Variants in MLLT3 observed in about 807,000 individuals in gnomAD.
MLLT3 encodes MLLT3 super elongation complex subunit.
In MLLT3, 4 loss-of-function variants were observed where a neutral mutation model predicts 53.2. That is an observed-to-expected ratio of 0.08 (90% CI 0.04 to 0.17). MLLT3 has a LOEUF of 0.17. Among genes scored for constraint, MLLT3 ranks in the 10% least tolerant of loss-of-function variants. The probability of loss-of-function intolerance (pLI) is 1.00; values close to 1 mark genes in which losing one functional copy is unlikely to be tolerated. For missense variants in MLLT3, 569 were observed against 684.0 expected, an observed-to-expected ratio of 0.83 and a Z score of 1.87; for synonymous variants, 283 against 230.6, an observed-to-expected ratio of 1.23 and a Z score of -2.06.
Position 20,413,747 on chromosome 9 carries a change from C to A in MLLT3, c.1099G>T (p.Glu367Ter). The part of the protein sequence containing the change: ...DIVDPNDSDV[E>*]ENISSKSDSE... The stretch of plus-strand genomic sequence containing the variant: ...TCAGATTTAGAGGATATATTCTCCT[C>A]CACATCTGAATCATTGGGATCCACA... Residue 367 changes from glutamate (E) to a stop codon, truncating the protein, a stop_gained, in exon 5 of 11, where the codon GAG becomes TAG. Transcript: ENST00000380338. LOFTEE classifies it high-confidence loss of function. 1 of 1,609,266 alleles carries A rather than the reference C, an allele frequency of 6.2e-7. No homozygotes were observed. Among genetic ancestry groups the A allele is most frequent in the Non-Finnish European group, 8.5e-7 (1 of 1,178,186 alleles).
intron 2 of MLLT3, among the ~76,000 whole-genome samples, chr9:20,483,108 G>T (rs1317690284): frequency 1.3e-5 from 2 of 152,052 alleles, no homozygotes; most frequent in Non-Finnish European, 2.9e-5. Flanking sequence ...GGCCAACTGT[G>T]AATCATTTCA....
chr9:20,439,157 C>G (rs951845492), intron 4 of MLLT3, among the ~76,000 whole-genome samples: 2 of 152,038 alleles, frequency 1.3e-5, no homozygotes, highest in African/African-American at 4.8e-5. Context: ...AGTTCAAGAC[C>G]AACCTGACCA....
At chr9:20,402,091 G>A (rs1022291935) in intron 5 of MLLT3, among the ~76,000 whole-genome samples, 7 of 152,166 alleles carry the variant, frequency 4.6e-5, no homozygotes, top group African/African-American at 1.7e-4. Context: ...AAGGTCAGCA[G>A]GTAAAGGAGA....
At chr9:20,353,720 C>T in intron 9 of MLLT3, 124 bp from the exon 10 acceptor site, 1 of 800,194 alleles carries the variant, frequency 1.2e-6, no homozygotes, top group Non-Finnish European at 2.1e-6. Context: ...ACCACTCTAG[C>T]CCAGGCTGTG....
At chr9:20,548,094 A>G (rs1818837110) in intron 2 of MLLT3, among the ~76,000 whole-genome samples, 1 of 152,236 alleles carries the variant, frequency 6.6e-6, no homozygotes, top group African/African-American at 2.4e-5. Flanking sequence ...TCACATACCC[A>G]AGTTGCTCTA....
At chr9:20,359,145 CAAAAAAAAAA>C (rs920197622) in intron 8 of MLLT3, among the ~76,000 whole-genome samples, 16 of 20,984 alleles carry the variant, frequency 7.6e-4, no homozygotes, top group South Asian at 2.5e-3. Context: ...AACTCCATCT[CAAAAAAAAAA>C]AAAAAAAAAA....
At chr9:20,514,552 G>C (rs975332402) in intron 2 of MLLT3, among the ~76,000 whole-genome samples, 1 of 151,446 alleles carries the variant, frequency 6.6e-6, no homozygotes, top group African/African-American at 2.4e-5. Context: ...AGCTCAAATA[G>C]GTCCCCCATA....
rs931288410 is a variant in MLLT3, at chr9:20,439,662, G to C, written c.420+8461C>G. On this transcript the variant is annotated intron_variant, in intron 4 of 10. Transcript: ENST00000380338. ...ATGGTAAGTTCTCAACAACCAGAAA[G>C]TTTATATCAATCCTCTGAAGTGTGA... Among the ~76,000 whole-genome samples the C allele has an allele frequency of 2.6e-5, 4 of 152,168 alleles. No homozygotes were observed. The Middle Eastern group carries it at 0.01, about 388-fold the overall frequency.
At position 20,375,694 on chromosome 9, in the gene MLLT3, C is replaced by T. The variant is rs528238174; in HGVS notation, c.1126-9950G>A. ...GCGGTTCTCAGCTCACTGAAAGCTC[C>T]GCCTCCTGGGTTCACGCCATTCTCC... On this transcript the variant is annotated intron_variant, in intron 5 of 10. Transcript: ENST00000380338. Among the ~76,000 whole-genome samples, 11 of 150,754 alleles carry T rather than the reference C, an allele frequency of 7.3e-5. No individual in the cohort carries two copies. The East Asian group carries it at 2.1e-3, about 29-fold the overall frequency.
At chr9:20,476,842 T>C (rs1824533607) in intron 2 of MLLT3, among the ~76,000 whole-genome samples, 1 of 152,194 alleles carries the variant, frequency 6.6e-6, no homozygotes, top group South Asian at 2.1e-4. Flanking sequence ...TAGAAAATTA[T>C]CAACTAGCTA....
chr9:20,343,309 C>A lies in MLLT3; in HGVS notation c.*3134G>T, dbSNP rs1051570042. On this transcript the variant is annotated 3_prime_UTR_variant, in exon 11 of 11. Transcript: ENST00000380338. Reference sequence around the variant, plus strand: ...GATTAGAGAGATTTAAATTGCCTAGCAATTTAAAATGTTTAAGACACTCTC... The same window carrying A: ...GATTAGAGAGATTTAAATTGCCTAGAAATTTAAAATGTTTAAGACACTCTC... 6 of 197,352 alleles carry A rather than the reference C, an allele frequency of 3.0e-5. No homozygotes were observed. The highest frequency in any genetic ancestry group is 1.4e-4 in the African/African-American group (6 of 42,212). 12.2% of individuals were successfully genotyped at this position (197,352 alleles called of 1,614,324 possible).
intron 5 of MLLT3, among the ~76,000 whole-genome samples, chr9:20,375,216 C>A (rs532054716): frequency 3.9e-4 from 59 of 152,332 alleles, no homozygotes; most frequent in African/African-American, 1.4e-3. Flanking sequence ...GATGATAAAA[C>A]TGAAGCACAC....
intron 5 of MLLT3, among the ~76,000 whole-genome samples, chr9:20,390,656 T>G (rs1822157204): frequency 6.6e-6 from 1 of 152,240 alleles, no homozygotes; most frequent in East Asian, 1.9e-4. Context: ...TCTGGCAAAT[T>G]GACTAACACT....
chr9:20,429,298 T>C (rs970172967), intron 4 of MLLT3, among the ~76,000 whole-genome samples: 1 of 151,778 alleles, frequency 6.6e-6, no homozygotes, highest in African/African-American at 2.4e-5. Flanking sequence ...AGCCCAGGAG[T>C]TGGAGGCTGA....
intron 2 of MLLT3, among the ~76,000 whole-genome samples, chr9:20,539,943 G>T (rs1179539250): frequency 1.3e-5 from 2 of 152,170 alleles, no homozygotes; most frequent in South Asian, 4.1e-4. Context: ...AGATACAATG[G>T]AGGTACAGGC....
At chr9:20,476,384 G>A (rs1824521731) in intron 2 of MLLT3, among the ~76,000 whole-genome samples, 1 of 152,088 alleles carries the variant, frequency 6.6e-6, no homozygotes, top group African/African-American at 2.4e-5. Flanking sequence ...TTAATCGGGA[G>A]TTAAATATAC....
intron 4 of MLLT3, among the ~76,000 whole-genome samples, chr9:20,445,361 CA>C (rs1344125698): frequency 6.6e-6 from 1 of 151,836 alleles, no homozygotes; most frequent in Non-Finnish European, 1.5e-5. Context: ...GGACATACAC[CA>C]AGTTTTGAGA....
intron 2 of MLLT3, among the ~76,000 whole-genome samples, chr9:20,582,866 T>C (rs528634638): frequency 1.3e-5 from 2 of 152,146 alleles, no homozygotes; most frequent in African/African-American, 4.8e-5. Flanking sequence ...CAAATTGAGA[T>C]TTGGGTGGGG....
chr9:20,564,194 A>T lies in MLLT3; in HGVS notation c.193+56460T>A, dbSNP rs142295356. ...GCTCTATAAATACAGAGTGATCAAG[A>T]CTGGCAGTTACTCAGTGTAAAATGT... On this transcript the variant is annotated intron_variant, in intron 2 of 10. Transcript: ENST00000380338. 3.6e-3 allele frequency among the ~76,000 whole-genome samples: 544 copies of T among 152,258 alleles called. 5 individuals are homozygous for T. Among genetic ancestry groups the T allele is most frequent in the South Asian group, 9.7e-3 (47 of 4,824 alleles).
Sources: allele counts gnomAD v4.1 joint callset (sites outside exome capture counted in the v4.1 genomes callset), GRCh38; gene constraint gnomAD v4.1.1; transcripts MANE v1.5; gene names NCBI Gene and HGNC (gene_info 2026-07-23, HGNC 2026-07-21).